Variants in CAMK1D observed in about 807,000 individuals in gnomAD.
CAMK1D encodes calcium/calmodulin dependent protein kinase ID.
A neutral mutation model predicts 47.7 loss-of-function variants in CAMK1D; 9 were observed. The ratio of observed to expected loss-of-function variants is 0.19; its 90% CI spans 0.11 to 0.33. CAMK1D has a LOEUF of 0.33. Ranked by LOEUF, CAMK1D falls within the 10% of genes least tolerant of loss-of-function variation. The probability of loss-of-function intolerance (pLI) is 1.00; values close to 1 mark genes in which losing one functional copy is unlikely to be tolerated. For missense variants in CAMK1D, 291 were observed against 488.7 expected (o/e 0.60, Z 3.81); for synonymous variants, 184 against 184.9 (o/e 0.99, Z 0.04).
At chr10:12,460,497 A>C (rs1833391745) in intron 1 of CAMK1D, among the ~76,000 whole-genome samples, 1 of 152,062 alleles carries the variant, frequency 6.6e-6, no homozygotes, top group Non-Finnish European at 1.5e-5. Flanking sequence ...CAGTAGTGCG[A>C]TCTCAGCTCA....
intron 6 of CAMK1D, among the ~76,000 whole-genome samples, chr10:12,806,665 A>T (rs1234224843): frequency 6.6e-6 from 1 of 152,228 alleles, no homozygotes; most frequent in East Asian, 1.9e-4. Flanking sequence ...CTTGACTCAA[A>T]GTCACCAACT....
At chr10:12,804,063 C>T (rs1436438835) in intron 6 of CAMK1D, among the ~76,000 whole-genome samples, 5 of 152,126 alleles carry the variant, frequency 3.3e-5, no homozygotes, top group Non-Finnish European at 7.4e-5. Flanking sequence ...GTTGAAGTTT[C>T]CTTGTGTTCA....
chr10:12,529,595 T>G (rs1288478985), intron 1 of CAMK1D, among the ~76,000 whole-genome samples: 1 of 152,214 alleles, frequency 6.6e-6, no homozygotes, highest in Non-Finnish European at 1.5e-5. Flanking sequence ...CTGGTGCTCA[T>G]GAGCGTTTAG....
At chr10:12,378,542 A>AT (rs35418457) in intron 1 of CAMK1D, among the ~76,000 whole-genome samples, 34 of 143,354 alleles carry the variant, frequency 2.4e-4, no homozygotes, top group East Asian at 4.1e-4. Flanking sequence ...GCCCCTTAGT[A>AT]TTTTTTTTTT....
At chr10:12,477,711 C>T (rs1156893495) in intron 1 of CAMK1D, among the ~76,000 whole-genome samples, 3 of 152,050 alleles carry the variant, frequency 2.0e-5, no homozygotes, top group East Asian at 1.9e-4. Context: ...CCAGGGCAGA[C>T]GGTGTCTTGG....
chr10:12,513,728 G>T (rs1265201182), intron 1 of CAMK1D, among the ~76,000 whole-genome samples: 1 of 152,208 alleles, frequency 6.6e-6, no homozygotes, highest in Non-Finnish European at 1.5e-5. Flanking sequence ...TTGAGCCCGG[G>T]AGGTGGAGGC....
In CAMK1D at chr10:12,833,801, C is replaced by T. The variant is rs1194771094; in HGVS notation, c.*4914C>T. The T allele has an allele frequency of 2.6e-5, 4 of 151,662 alleles. No individual in the cohort carries two copies. The highest frequency in any genetic ancestry group is 5.9e-5 in the Non-Finnish European group (4 of 68,006). 9.4% of individuals were successfully genotyped at this position (151,662 alleles called of 1,614,324 possible). On this transcript the variant is annotated 3_prime_UTR_variant, in exon 11 of 11. Coordinates refer to ENST00000619168, the MANE Select transcript of CAMK1D (RefSeq NM_153498.4). ...AAGGTCCTTGAATTCAGCCAGTGCA[C>T]GAAACCTTTGCATGTTCTTCTGAAA...
intron 3 of CAMK1D, among the ~76,000 whole-genome samples, chr10:12,740,452 G>T (rs537113233): frequency 1.3e-5 from 2 of 152,286 alleles, no homozygotes; most frequent in East Asian, 3.9e-4. Context: ...TAAAAAATCA[G>T]CCAGACGTGG....
chr10:12,719,765 TCA>T lies in CAMK1D; in HGVS notation c.300-41180_300-41179del, dbSNP rs1208946290. On this transcript the variant is annotated intron_variant, in intron 3 of 10. Coordinates refer to ENST00000619168, the MANE Select transcript of CAMK1D (RefSeq NM_153498.4). ...GCACTTTTTACCTGGCAAGGCTGTT[TCA>T]CAGTTATCCCAGGATGAAACCTATG... is the stretch of plus-strand genomic sequence containing the variant. 3.3e-5 allele frequency among the ~76,000 whole-genome samples: 5 copies of T among 152,352 alleles called. No homozygotes were observed. In the East Asian group the frequency reaches 9.6e-4, roughly 29 times the overall value.
At chr10:12,376,544 C>T (rs966946058) in intron 1 of CAMK1D, among the ~76,000 whole-genome samples, 2 of 152,068 alleles carry the variant, frequency 1.3e-5, no homozygotes, top group Admixed American at 1.3e-4. Context: ...TGTGAAGGGT[C>T]TTTGTTAGTT....
intron 1 of CAMK1D, among the ~76,000 whole-genome samples, chr10:12,492,842 C>T (rs1271998991): frequency 3.3e-5 from 5 of 152,264 alleles, no homozygotes; most frequent in South Asian, 2.1e-4. Context: ...TACACAAGAA[C>T]GGCTGCTCCT....
At chr10:12,813,171 A>G (rs765817413) in intron 6 of CAMK1D, among the ~76,000 whole-genome samples, 4 of 152,226 alleles carry the variant, frequency 2.6e-5, no homozygotes, top group Non-Finnish European at 5.9e-5. Flanking sequence ...AAATGGATCC[A>G]TGGAAAAATG....
At chr10:12,720,389 G>A (rs1462261707) in intron 3 of CAMK1D, among the ~76,000 whole-genome samples, 2 of 152,214 alleles carry the variant, frequency 1.3e-5, no homozygotes, top group African/African-American at 2.4e-5. Context: ...ATTTTAGACA[G>A]TCCCATTAAA....
chr10:12,388,201 G>A (rs57050878), intron 1 of CAMK1D, among the ~76,000 whole-genome samples: 44 of 152,200 alleles, frequency 2.9e-4, no homozygotes, highest in African/African-American at 8.2e-4. Flanking sequence ...TAATTTTTGC[G>A]TTTTTAGTAG....
Position 12,790,611 on chromosome 10 carries a change from A to ATG in CAMK1D, c.566-547_566-546insTG, listed in dbSNP as rs1554826120. On this transcript the variant is annotated intron_variant, in intron 5 of 10. Coordinates refer to ENST00000619168, the MANE Select transcript of CAMK1D (RefSeq NM_153498.4). ...GTAATCTCACATCTCACACACACAC[A>ATG]CGCACACACACACTCACCCACACAC... Among the ~76,000 whole-genome samples, 6 of 116,716 alleles carry ATG rather than the reference A, an allele frequency of 5.1e-5. No homozygotes were observed. The East Asian group carries it at 1.7e-3, about 33-fold the overall frequency. The allele number at this position is 116,716 out of a possible 152,430, so 76.6% of individuals were successfully genotyped here.
intron 2 of CAMK1D, among the ~76,000 whole-genome samples, chr10:12,639,865 G>A (rs967856261): frequency 6.6e-6 from 1 of 151,914 alleles, no homozygotes; most frequent in Non-Finnish European, 1.5e-5. Flanking sequence ...TTGTTTGTTT[G>A]GGAATTCTTT....
intron 1 of CAMK1D, among the ~76,000 whole-genome samples, chr10:12,388,619 T>G (rs758415540): frequency 2.0e-5 from 3 of 152,184 alleles, no homozygotes; most frequent in Non-Finnish European, 2.9e-5. Context: ...TTGCAGAGGT[T>G]AAAAGGCAAG....
chr10:12,465,616 C>A (rs2815608), intron 1 of CAMK1D, among the ~76,000 whole-genome samples: 60,934 of 152,094 alleles, frequency 0.4, 13,195 homozygotes, highest in African/African-American at 0.57. Context: ...TGGCCTCCCA[C>A]AGTGCTGGGA....
At position 12,497,543 on chromosome 10, in the gene CAMK1D, T is replaced by C. The variant is rs531786320; in HGVS notation, c.93-55682T>C. On this transcript the variant is annotated intron_variant, in intron 1 of 10. Coordinates refer to ENST00000619168, the MANE Select transcript of CAMK1D (RefSeq NM_153498.4). ...TGTGATGGGCTTAAATTCTATTAGG[T>C]TTAAGATTTGGTGTGTGTTCCCTTA... Among the ~76,000 whole-genome samples, 11 of 151,926 alleles carry C rather than the reference T, an allele frequency of 7.2e-5. No homozygotes were observed. The South Asian group carries it at 1.9e-3, about 26-fold the overall frequency.
Sources: allele counts gnomAD v4.1 joint callset (sites outside exome capture counted in the v4.1 genomes callset), GRCh38; gene constraint gnomAD v4.1.1; transcripts MANE v1.5; gene names NCBI Gene and HGNC (gene_info 2026-07-23, HGNC 2026-07-21).